Variants in PCDHGB1 observed in about 807,000 individuals in gnomAD.
PCDHGB1 encodes the protein protocadherin gamma-B1.
PCDHGB1 carries 34 observed loss-of-function variants against 56.6 expected under a neutral mutation model. The ratio of observed to expected loss-of-function variants is 0.60; its 90% CI spans 0.46 to 0.80. PCDHGB1 has a LOEUF of 0.80. PCDHGB1 is among the 30% of genes least tolerant of loss of function. The probability of loss-of-function intolerance (pLI) is 0.00; values close to 1 mark genes in which losing one functional copy is unlikely to be tolerated. For synonymous variants in PCDHGB1, 561 were observed against 505.9 expected (o/e 1.11, Z -1.46); for missense variants, 1,278 against 1,204.6 (o/e 1.06, Z -0.90).
chr5:141,421,055 C>A, intron 1 of PCDHGB1: 2 of 577,118 alleles, frequency 3.5e-6, no homozygotes, highest in South Asian at 2.4e-5. Flanking sequence ...GCCTCTACCA[C>A]ACAAAGCGGA....
Position 141,393,006 on chromosome 5 carries a change from C to T in PCDHGB1, c.2409+40337C>T, listed in dbSNP as rs182052960. On this transcript the variant is annotated intron_variant, in intron 1 of 3. Coordinates refer to ENST00000523390, the MANE Select transcript of PCDHGB1 (RefSeq NM_018922.3). ...CCGGAAGCTGGCGAAGCACGGAGTC[C>T]GTATCGTCTCCAGAGGTAGGACGCA... is the stretch of plus-strand genomic sequence containing the variant. 3.5e-3 allele frequency: 5,649 copies of T among 1,613,866 alleles called. 26 individuals are homozygous for T. The highest frequency in any genetic ancestry group is 4.1e-3 in the Non-Finnish European group (4,855 of 1,179,884).
chr5:141,409,647 G>A, intron 1 of PCDHGB1: 2 of 1,613,668 alleles, frequency 1.2e-6, no homozygotes, highest in Non-Finnish European at 1.7e-6. Context: ...CCGGATTTGG[G>A]GCTCAATGGC....
At chr5:141,361,758 G>A (rs1388339327) in intron 1 of PCDHGB1, 4 of 1,612,942 alleles carry the variant, frequency 2.5e-6, no homozygotes, top group Non-Finnish European at 3.4e-6. Flanking sequence ...GCTCGCCCGC[G>A]CTCAGCGCCA....
At position 141,422,330 on chromosome 5, in the gene PCDHGB1, C is replaced by T. The variant is rs200342957; in HGVS notation, c.2409+69661C>T. 1,454 of 1,548,164 alleles carry T rather than the reference C, an allele frequency of 9.4e-4. 3 individuals carry two copies. The highest frequency in any genetic ancestry group is 7.9e-4 in the Non-Finnish European group (910 of 1,153,526). On this transcript the variant is annotated intron_variant, in intron 1 of 3. Transcript: ENST00000523390. The stretch of plus-strand genomic sequence containing the variant: ...AACTCTCCTCCAGGTACAGTGATTG[C>T]TCTTCTAAATGTGCAAGATCAAGAT...
intron 1 of PCDHGB1, chr5:141,430,844 A>C: frequency 6.4e-7 from 1 of 1,571,464 alleles, no homozygotes; most frequent in Non-Finnish European, 8.6e-7. Flanking sequence ...GACCGGATGC[A>C]CCCAGATACG....
chr5:141,408,699 CAATT>C (rs778787749), intron 1 of PCDHGB1: 9 of 1,613,534 alleles, frequency 5.6e-6, no homozygotes, highest in Non-Finnish European at 6.8e-6. Flanking sequence ...AACATAAACT[CAATT>C]AAAGATTATA....
At position 141,415,074 on chromosome 5, in the gene PCDHGB1, G is replaced by C; in HGVS notation, c.2409+62405G>C. 3 of 1,613,448 alleles carry C rather than the reference G, an allele frequency of 1.9e-6. No homozygotes were observed. In the South Asian group the frequency reaches 3.3e-5, roughly 18 times the overall value. On this transcript the variant is annotated intron_variant, in intron 1 of 3. Coordinates refer to ENST00000523390, the MANE Select transcript of PCDHGB1 (RefSeq NM_018922.3). ...AGCACACGGGCGAGGTGCGCACGGCGCGAGCCCTGCTGGACAGAGACGCGC... is the reference window on the plus strand; with the variant it reads ...AGCACACGGGCGAGGTGCGCACGGCCCGAGCCCTGCTGGACAGAGACGCGC...
At chr5:141,384,599 T>A (rs772846090) in intron 1 of PCDHGB1, 4 of 1,614,132 alleles carry the variant, frequency 2.5e-6, no homozygotes, top group Non-Finnish European at 2.5e-6. Flanking sequence ...TACCCGGCCC[T>A]CCCCACAGAT....
intron 3 of PCDHGB1, among the ~76,000 whole-genome samples, chr5:141,510,584 C>T (rs2099881791): frequency 1.3e-5 from 2 of 152,184 alleles, no homozygotes. Flanking sequence ...TTTTACGTAC[C>T]TGACATACAT....
At chr5:141,376,374 G>C (rs561821467) in intron 1 of PCDHGB1, 10 of 1,614,072 alleles carry the variant, frequency 6.2e-6, no homozygotes, top group African/African-American at 2.7e-5. Flanking sequence ...GCAGACTCGC[G>C]TAAGAGTCAT....
chr5:141,389,293 C>T, intron 1 of PCDHGB1: 3 of 1,614,036 alleles, frequency 1.9e-6, no homozygotes, highest in Non-Finnish European at 2.5e-6. Context: ...GCCTCTATTT[C>T]ACAAGTCAGG....
intron 1 of PCDHGB1, chr5:141,389,390 C>G: frequency 2.5e-6 from 4 of 1,613,718 alleles, no homozygotes; most frequent in Non-Finnish European, 3.4e-6. Context: ...TGTCATCCTA[C>G]GTGTCCATAA....
intron 1 of PCDHGB1, chr5:141,408,651 C>T (rs373860648): frequency 6.2e-7 from 1 of 1,614,012 alleles, no homozygotes; most frequent in Non-Finnish European, 8.5e-7. Flanking sequence ...TCCGCTGGTA[C>T]ACGACTATCG....
intron 1 of PCDHGB1, chr5:141,415,889 T>C: frequency 2.1e-6 from 2 of 942,152 alleles, no homozygotes; most frequent in Non-Finnish European, 2.9e-6. Context: ...TATTGACAAT[T>C]CCTAAGACAG....
At chr5:141,484,478 A>G (rs2099596967) in intron 1 of PCDHGB1, among the ~76,000 whole-genome samples, 1 of 152,244 alleles carries the variant, frequency 6.6e-6, no homozygotes, top group Admixed American at 6.5e-5. Context: ...CTTTTCTGCA[A>G]AGAGATGGAT....
chr5:141,414,554 C>G (rs1184557964), intron 1 of PCDHGB1: 3 of 1,613,880 alleles, frequency 1.9e-6, no homozygotes, highest in East Asian at 2.2e-5. Context: ...TCTCAAGTCT[C>G]CTACTTTACC....
intron 1 of PCDHGB1, chr5:141,367,677 A>G (rs1045568085): frequency 2.0e-5 from 3 of 152,168 alleles, no homozygotes; most frequent in Non-Finnish European, 4.4e-5. Context: ...GGGCTTGTTG[A>G]GAGAAGAAAT....
rs200016406 is a variant in PCDHGB1 at position 141,383,092 on chromosome 5, C to T, written c.2409+30423C>T. The T allele has an allele frequency of 3.1e-4, 507 of 1,613,932 alleles. 2 individuals are homozygous for T. Among genetic ancestry groups the T allele is most frequent in the Middle Eastern group, 1.7e-3 (10 of 6,060 alleles). The stretch of plus-strand genomic sequence containing the variant: ...CCGGGAGCTGGCGGAGCGCGGAGTC[C>T]GCATCATCTCCAGAGGTAGGACGCA... On this transcript the variant is annotated intron_variant, in intron 1 of 3. Coordinates refer to ENST00000523390, the MANE Select transcript of PCDHGB1 (RefSeq NM_018922.3).
In PCDHGB1 at chr5:141,490,701, C is replaced by T; in HGVS notation, c.2410-4106C>T. On this transcript the variant is annotated intron_variant, in intron 1 of 3. Transcript: ENST00000523390. This position sits in a 1 kb window ranked among gnomAD's most constrained non-coding sequence, Gnocchi z 5.4. Reference sequence around the variant, plus strand: ...CAGATCCAGACACTGGGGATAATGCCCGCCTCACCTACTCCATTGTAGGAA... The same window carrying T: ...CAGATCCAGACACTGGGGATAATGCTCGCCTCACCTACTCCATTGTAGGAA... The T allele has an allele frequency of 6.2e-7, 1 of 1,614,184 alleles. No individual in the cohort carries two copies. The highest frequency in any genetic ancestry group is 8.5e-7 in the Non-Finnish European group (1 of 1,180,008).
Sources: allele counts gnomAD v4.1 joint callset (sites outside exome capture counted in the v4.1 genomes callset), GRCh38; gene constraint gnomAD v4.1.1; non-coding constraint Gnocchi (gnomAD v3.1); transcripts MANE v1.5; gene names NCBI Gene and HGNC (gene_info 2026-07-23, HGNC 2026-07-21).